WWOX: variants seen among roughly 807,000 people sequenced by gnomAD.
WWOX encodes WW domain-containing oxidoreductase.
Under a neutral mutation model 46.2 loss-of-function variants are expected in WWOX, and 69 were observed. The observed-to-expected ratio is 1.49, with a 90% confidence interval of 1.23 to 1.82. The LOEUF (loss-of-function observed/expected upper bound fraction) is 1.82. Ranked by LOEUF, WWOX falls within the 40% of genes most tolerant of loss-of-function variation. WWOX has a pLI of 0.00. For missense variants in WWOX, 919 were observed against 542.6 expected (o/e 1.69, Z -6.89); for synonymous variants, 359 against 202.6 (o/e 1.77, Z -6.56).
At chr16:78,539,927 C>A (rs747099352) in intron 8 of WWOX, among the ~76,000 whole-genome samples, 2 of 151,972 alleles carry the variant, frequency 1.3e-5, no homozygotes, top group South Asian at 2.1e-4. Flanking sequence ...ACCACACTTA[C>A]ATTTAAATAC....
At position 79,191,413 on chromosome 16, in the gene WWOX, A is replaced by T. The variant is rs922662743; in HGVS notation, c.1057-20195A>T. ...CGAGATAGTAAGTGGACATCAGGAC[A>T]TGGATTCTATTAAATCTAACACCTT... On this transcript the variant is annotated intron_variant, in intron 8 of 8. Coordinates refer to ENST00000566780, the MANE Select transcript of WWOX (RefSeq NM_016373.4). Among the ~76,000 whole-genome samples, 10 of 152,192 alleles carry T rather than the reference A, an allele frequency of 6.6e-5. No homozygotes were observed. In the South Asian group the frequency reaches 8.3e-4, roughly 13 times the overall value.
chr16:79,045,916 C>G (rs1481799003), intron 8 of WWOX, among the ~76,000 whole-genome samples: 2 of 148,254 alleles, frequency 1.3e-5, no homozygotes, highest in Non-Finnish European at 3.0e-5. Flanking sequence ...ATTCTCCTGC[C>G]TCAGCCTCCC....
chr16:78,928,798 G>T (rs1388887355), intron 8 of WWOX, among the ~76,000 whole-genome samples: 1 of 152,126 alleles, frequency 6.6e-6, no homozygotes, highest in African/African-American at 2.4e-5. Flanking sequence ...GCAAGCCTCA[G>T]TTTTAGAAGA....
intron 1 of WWOX, among the ~76,000 whole-genome samples, chr16:78,108,099 T>C (rs2032264416): frequency 6.6e-6 from 1 of 151,686 alleles, no homozygotes; most frequent in African/African-American, 2.4e-5. Flanking sequence ...CAGCTAATTT[T>C]GTATTTTTGG....
At chr16:78,993,698 G>A (rs1169627554) in intron 8 of WWOX, among the ~76,000 whole-genome samples, 4 of 152,204 alleles carry the variant, frequency 2.6e-5, no homozygotes, top group Non-Finnish European at 5.9e-5. Context: ...GGGGGGACAG[G>A]AAACACACAG....
intron 8 of WWOX, among the ~76,000 whole-genome samples, chr16:78,631,501 G>C (rs1022899847): frequency 6.6e-6 from 1 of 151,630 alleles, no homozygotes; most frequent in Non-Finnish European, 1.5e-5. Context: ...CCTTTATTAT[G>C]AGATTATGTT....
At chr16:78,264,106 G>C (rs2079310674) in intron 5 of WWOX, among the ~76,000 whole-genome samples, 1 of 146,620 alleles carries the variant, frequency 6.8e-6, no homozygotes, top group African/African-American at 2.6e-5. Flanking sequence ...TATTGTAACG[G>C]TGATCACTTC....
chr16:79,145,715 C>T (rs901213316), intron 8 of WWOX, among the ~76,000 whole-genome samples: 5 of 151,940 alleles, frequency 3.3e-5, no homozygotes, highest in Admixed American at 2.6e-4. Flanking sequence ...CTAAAATATT[C>T]AGTAAAAATT....
rs1178098457 is a variant in WWOX at position 78,261,808 on chromosome 16, A to C, written c.516+97519A>C. On this transcript the variant is annotated intron_variant, in intron 5 of 8. Coordinates refer to ENST00000566780, the MANE Select transcript of WWOX (RefSeq NM_016373.4). Reference sequence around the variant, plus strand: ...TCTATCTATATATATATATATATATATATATATATACTTATAATGTGGTGG... The same window carrying C: ...TCTATCTATATATATATATATATATCTATATATATACTTATAATGTGGTGG... 1.3e-4 allele frequency among the ~76,000 whole-genome samples: 18 copies of C among 140,720 alleles called. 1 individual carries two copies. Among genetic ancestry groups the C allele is most frequent in the African/African-American group, 4.3e-4 (16 of 37,240 alleles). The allele number at this position is 140,720 out of a possible 152,430, so 92.3% of individuals were successfully genotyped here. A position where few individuals can be genotyped will look rare whatever the true frequency, so the allele number is the denominator to read the frequency against.
intron 8 of WWOX, among the ~76,000 whole-genome samples, chr16:78,904,167 T>TC (rs752703912): frequency 6.6e-6 from 1 of 152,154 alleles, no homozygotes; most frequent in Non-Finnish European, 1.5e-5. Context: ...TTAGAGTTTT[T>TC]CTTTAAAGCA....
chr16:79,157,083 A>G (rs1348525574), intron 8 of WWOX, among the ~76,000 whole-genome samples: 2 of 152,234 alleles, frequency 1.3e-5, no homozygotes, highest in Non-Finnish European at 1.5e-5. Flanking sequence ...TTAACTTGAG[A>G]GAAAGTATTA....
At chr16:78,937,248 C>T (rs778162435) in intron 8 of WWOX, among the ~76,000 whole-genome samples, 24 of 151,982 alleles carry the variant, frequency 1.6e-4, no homozygotes, top group African/African-American at 4.8e-4. Context: ...TCAAATTTAC[C>T]TGAAAGTGAC....
At chr16:78,350,500 T>G (rs553450343) in intron 5 of WWOX, among the ~76,000 whole-genome samples, 1 of 121,318 alleles carries the variant, frequency 8.2e-6, no homozygotes, top group South Asian at 2.5e-4. Context: ...TCATCTACTT[T>G]CTGTCTCTAT....
intron 8 of WWOX, among the ~76,000 whole-genome samples, chr16:78,683,384 T>TA (rs200244113): frequency 0.019 from 2,860 of 149,992 alleles, 45 homozygotes; most frequent in South Asian, 0.032. Context: ...CTAAAAACAT[T>TA]AAAAAAAAAT....
chr16:78,883,101 G>C (rs2044378498), intron 8 of WWOX, among the ~76,000 whole-genome samples: 1 of 152,276 alleles, frequency 6.6e-6, no homozygotes, highest in Non-Finnish European at 1.5e-5. Context: ...GAAAAGGGTA[G>C]ATATTCAGGA....
In WWOX at chr16:79,020,795, C is replaced by T. The variant is rs141475059; in HGVS notation, c.1057-190813C>T. Among the ~76,000 whole-genome samples, 83 of 152,260 alleles carry T rather than the reference C, an allele frequency of 5.5e-4. No individual in the cohort carries two copies. The East Asian group carries it at 0.014, about 25-fold the overall frequency. On this transcript the variant is annotated intron_variant, in intron 8 of 8. Transcript: ENST00000566780. ...CGTGTGGATTCTTTTCTGTGCTCTC[C>T]ATTACGGAATCTCCCTGAAAATAAG...
At chr16:78,993,520 G>T (rs1057043993) in intron 8 of WWOX, among the ~76,000 whole-genome samples, 5 of 152,208 alleles carry the variant, frequency 3.3e-5, no homozygotes, top group African/African-American at 1.2e-4. Flanking sequence ...AGGAGCCTCA[G>T]TCCTCAAAGG....
intron 8 of WWOX, among the ~76,000 whole-genome samples, chr16:78,847,540 C>T (rs536429587): frequency 1.3e-5 from 2 of 151,892 alleles, no homozygotes; most frequent in Middle Eastern, 3.2e-3. Context: ...TGCTATGTTG[C>T]CCAGCTCAGT....
chr16:78,703,326 G>C, intron 8 of WWOX, among the ~76,000 whole-genome samples: 1 of 152,094 alleles, frequency 6.6e-6, no homozygotes, highest in East Asian at 1.9e-4. Context: ...TAACAAAATG[G>C]GAGTTAAGGC....
Sources: allele counts gnomAD v4.1 joint callset (sites outside exome capture counted in the v4.1 genomes callset), GRCh38; gene constraint gnomAD v4.1.1; transcripts MANE v1.5; gene names NCBI Gene and HGNC (gene_info 2026-07-23, HGNC 2026-07-21).